ATAD1: variants seen among roughly 807,000 people sequenced by gnomAD.
ATAD1 encodes the protein ATPase family AAA domain containing 1, also known as outer mitochondrial transmembrane helix translocase.
In ATAD1, 18 loss-of-function variants were observed where a neutral mutation model predicts 42.7. The ratio of observed to expected loss-of-function variants is 0.42; its 90% CI spans 0.29 to 0.63. ATAD1 has a LOEUF of 0.63. Among genes scored for constraint, ATAD1 ranks in the 20% least tolerant of loss-of-function variants. The pLI is 0.19. For missense variants in ATAD1, 294 were observed against 440.4 expected, an observed-to-expected ratio of 0.67 and a Z score of 2.98; for synonymous variants, 132 against 143.1, an observed-to-expected ratio of 0.92 and a Z score of 0.55.
Position 87,829,234 on chromosome 10 carries a change from A to T in ATAD1, c.-14+11953T>A, listed in dbSNP as rs1437706920. 1.7e-3 allele frequency among the ~76,000 whole-genome samples: 236 copies of T among 142,966 alleles called. 1 individual carries two copies. Among genetic ancestry groups the T allele is most frequent in the Non-Finnish European group, 2.5e-3 (162 of 65,540 alleles). The allele number at this position is 142,966 out of a possible 152,430, so 93.8% of individuals were successfully genotyped here. A position where few individuals can be genotyped will look rare whatever the true frequency, so the allele number is the denominator to read the frequency against. Reference sequence around the variant, plus strand: ...TCTGGAGGGATTCATTATTTTATTTATTATTTATTTATTTATTTATTTATT... The same window carrying T: ...TCTGGAGGGATTCATTATTTTATTTTTTATTTATTTATTTATTTATTTATT... On this transcript the variant is annotated intron_variant, in intron 1 of 4. Transcript: ENST00000495903.
intron 4 of ATAD1, among the ~76,000 whole-genome samples, chr10:87,785,279 G>A (rs1356540606): frequency 2.0e-5 from 3 of 151,754 alleles, no homozygotes; most frequent in South Asian, 4.1e-4. Context: ...TAATACAAGG[G>A]ATCTAGAGGT....
At chr10:87,757,001 G>T in intron 8 of ATAD1, 79 bp from the exon 9 acceptor site, 1 of 1,243,834 alleles carries the variant, frequency 8.0e-7, no homozygotes. Context: ...CCATCTTAAA[G>T]AAAGTTAAGC....
At chr10:87,794,271 A>T (rs1186961090) in intron 2 of ATAD1, among the ~76,000 whole-genome samples, 1 of 152,154 alleles carries the variant, frequency 6.6e-6, no homozygotes, top group East Asian at 1.9e-4. Flanking sequence ...AACAGGATAC[A>T]TCTCCTGTTT....
chr10:87,813,424 A>G (rs1477067647), intron 2 of ATAD1, among the ~76,000 whole-genome samples: 1 of 151,774 alleles, frequency 6.6e-6, no homozygotes, highest in Non-Finnish European at 1.5e-5. Flanking sequence ...AATATCATCT[A>G]GAACTTCAGT....
intron 1 of ATAD1, among the ~76,000 whole-genome samples, chr10:87,840,918 A>G (rs1259404712): frequency 6.6e-6 from 1 of 152,166 alleles, no homozygotes; most frequent in Non-Finnish European, 1.5e-5. Context: ...TTGTATTTGT[A>G]TGTTTGTTTA....
intron 1 of ATAD1, among the ~76,000 whole-genome samples, chr10:87,829,186 T>C (rs1390641303): frequency 1.3e-5 from 2 of 152,106 alleles, no homozygotes; most frequent in Non-Finnish European, 2.9e-5. Context: ...ATGGGGAATC[T>C]GGGGACAGTA....
chr10:87,795,273 A>G (rs1856327818), intron 2 of ATAD1, among the ~76,000 whole-genome samples: 1 of 152,072 alleles, frequency 6.6e-6, no homozygotes, highest in Non-Finnish European at 1.5e-5. Flanking sequence ...ACACACCAAA[A>G]CTGCCACCAA....
rs1298807166 is a variant in ATAD1, at chr10:87,833,704, T to TTCTC, written c.-14+7479_-14+7482dup. Among the ~76,000 whole-genome samples the TTCTC allele has an allele frequency of 6.6e-4, 100 of 151,286 alleles. 3 individuals carry two copies. The highest frequency in any genetic ancestry group is 5.8e-4 in the East Asian group (3 of 5,164). ...GATGTTGAAGTCTGTCAAATGTTCT[T>TTCTC]TCTCTCTCTCTTTCTTTCTTTCCTT... is the stretch of plus-strand genomic sequence containing the variant. On this transcript the variant is annotated intron_variant, in intron 1 of 4. Transcript: ENST00000495903.
At chr10:87,791,760 T>C (rs143889402) in intron 3 of ATAD1, among the ~76,000 whole-genome samples, 1,529 of 152,358 alleles carry the variant, frequency 0.01, 28 homozygotes, top group African/African-American at 0.035. Context: ...GTATACTTAT[T>C]GTTACAAAAT....
chr10:87,757,942 A>G (rs562139108), intron 8 of ATAD1, among the ~76,000 whole-genome samples: 37 of 152,352 alleles, frequency 2.4e-4, no homozygotes, highest in African/African-American at 8.9e-4. Flanking sequence ...TGAGGGTTAC[A>G]TGAAGATAAA....
chr10:87,779,936 CTGTTT>C (rs1486560777), intron 5 of ATAD1, among the ~76,000 whole-genome samples: 1 of 152,182 alleles, frequency 6.6e-6, no homozygotes, highest in Non-Finnish European at 1.5e-5. Context: ...AAACTAAACA[CTGTTT>C]TACCATGTGA....
intron 2 of ATAD1, among the ~76,000 whole-genome samples, chr10:87,808,663 T>C (rs1343309271): frequency 6.6e-6 from 1 of 152,244 alleles, no homozygotes; most frequent in Non-Finnish European, 1.5e-5. Context: ...CTGCATTTAT[T>C]GGGAGAATCA....
chr10:87,818,125 C>G (rs1337186122), intron 1 of ATAD1, 42 bp downstream of exon 1: 72 of 985,450 alleles, frequency 7.3e-5, no homozygotes, highest in Non-Finnish European at 8.7e-5. Context: ...CAGAAGGATA[C>G]GACAACCATC....
chr10:87,818,589 TCCCACCACTCTGTGCAAA>T (rs1178668708), upstream of ATAD1: 1 of 152,258 alleles, frequency 6.6e-6, no homozygotes, highest in Admixed American at 6.5e-5. Context: ...ATTCTCTCCT[TCCCACCACTCTGTGCAAA>T]CCCTCACGCC....
At chr10:87,832,979 AC>A (rs1395567178) in intron 1 of ATAD1, 2 of 152,108 alleles carry the variant, frequency 1.3e-5, no homozygotes, top group Non-Finnish European at 2.9e-5. Flanking sequence ...CTAGGAGGTC[AC>A]CATATTGATG....
At chr10:87,841,051 T>G (rs912486512) in intron 1 of ATAD1, 1 of 147,688 alleles carries the variant, frequency 6.8e-6, no homozygotes, top group African/African-American at 2.5e-5. Flanking sequence ...TACCTAGTAA[T>G]TTTTTTTTTT....
intron 8 of ATAD1, among the ~76,000 whole-genome samples, chr10:87,762,716 C>T (rs1372420526): frequency 4.0e-5 from 6 of 151,462 alleles, no homozygotes; most frequent in Admixed American, 1.3e-4. Flanking sequence ...GATCTGCCTG[C>T]CTTGGCCTCC....
chr10:87,788,646 C>A (rs551626555), intron 4 of ATAD1, among the ~76,000 whole-genome samples: 2 of 152,276 alleles, frequency 1.3e-5, no homozygotes, highest in Non-Finnish European at 2.9e-5. Context: ...AGAAATCACC[C>A]AATTACCTGG....
intron 9 of ATAD1, 130 bp downstream of exon 9, chr10:87,756,659 G>A: frequency 2.3e-6 from 2 of 854,982 alleles, no homozygotes; most frequent in South Asian, 3.3e-5. Context: ...TAAAGTTGCA[G>A]GGGGTGATAA....
Sources: gnomAD v4.1 joint callset for allele counts (sites outside exome capture counted in the v4.1 genomes callset) on GRCh38, gnomAD v4.1.1 for gene constraint, MANE v1.5 for transcripts, NCBI Gene and HGNC (gene_info 2026-07-23, HGNC 2026-07-21) for gene names.